The following CACNA1E variants were observed in gnomAD, a reference collection of about 807,000 sequenced individuals.
CACNA1E encodes the protein voltage-dependent R-type calcium channel subunit alpha-1E.
A neutral mutation model predicts 259.2 loss-of-function variants in CACNA1E; 40 were observed. The ratio of observed to expected loss-of-function variants is 0.15; its 90% CI spans 0.12 to 0.20. The LOEUF is 0.20. CACNA1E is among the 10% of genes least tolerant of loss of function. The pLI, the probability that CACNA1E is intolerant of heterozygous loss-of-function variation, is 1.00. For synonymous variants in CACNA1E, 1,104 were observed against 1,138.5 expected, an observed-to-expected ratio of 0.97 and a Z score of 0.61; for missense variants, 1,874 against 3,040.1, an observed-to-expected ratio of 0.62 and a Z score of 9.02.
intron 24 of CACNA1E, 111 bp from the exon 25 acceptor site, chr1:181,739,036 G>T: frequency 1.3e-6 from 1 of 766,590 alleles, no homozygotes; most frequent in South Asian, 1.4e-5. Context: ...CCTAGCATAG[G>T]GTTGGTTGTG....
chr1:181,520,088 AT>A (rs1169445387), intron 3 of CACNA1E, among the ~76,000 whole-genome samples: 1 of 152,242 alleles, frequency 6.6e-6, no homozygotes, highest in African/African-American at 2.4e-5. Context: ...CTCATGTCTT[AT>A]TTTAAATGCA....
intron 2 of CACNA1E, among the ~76,000 whole-genome samples, chr1:181,414,807 A>G (rs1293820184): frequency 6.6e-6 from 1 of 152,226 alleles, no homozygotes; most frequent in Non-Finnish European, 1.5e-5. Context: ...TTTGATATTA[A>G]TTAGTAATTT....
intron 1 of CACNA1E, among the ~76,000 whole-genome samples, chr1:181,372,254 A>G (rs953165636): frequency 4.0e-5 from 6 of 151,872 alleles, no homozygotes; most frequent in Non-Finnish European, 8.8e-5. Flanking sequence ...CCATTTGTTT[A>G]TGTTGTCTCT....
chr1:181,408,353 T>G (rs1657611479), intron 1 of CACNA1E, among the ~76,000 whole-genome samples: 1 of 152,106 alleles, frequency 6.6e-6, no homozygotes, highest in Non-Finnish European at 1.5e-5. Context: ...GAGGCACAGA[T>G]AAGCCAAAGG....
chr1:181,729,608 C>T (rs1457794564), intron 18 of CACNA1E, among the ~76,000 whole-genome samples: 2 of 152,200 alleles, frequency 1.3e-5, no homozygotes, highest in Non-Finnish European at 2.9e-5. Context: ...ATGCCACCTG[C>T]CCTTCCTATC....
At chr1:181,654,546 G>A (rs1467692814) in intron 7 of CACNA1E, among the ~76,000 whole-genome samples, 1 of 152,150 alleles carries the variant, frequency 6.6e-6, no homozygotes, top group Non-Finnish European at 1.5e-5. Context: ...TCATGGTAGT[G>A]GGGAGTTGGA....
At chr1:181,716,409 G>C (rs1011099474) in intron 10 of CACNA1E, among the ~76,000 whole-genome samples, 1 of 152,026 alleles carries the variant, frequency 6.6e-6, no homozygotes, top group African/African-American at 2.4e-5. Context: ...TCCATTTGCA[G>C]AAGTATCCAC....
At chr1:181,427,522 A>G (rs900573417) in intron 2 of CACNA1E, among the ~76,000 whole-genome samples, 1 of 128,074 alleles carries the variant, frequency 7.8e-6, no homozygotes, top group Non-Finnish European at 1.7e-5. Flanking sequence ...CTCTACCTCA[A>G]CTCCTCCTCC....
intron 12 of CACNA1E, 147 bp from the exon 13 acceptor site, chr1:181,719,604 A>G (rs926495725): frequency 8.0e-6 from 4 of 500,818 alleles, no homozygotes; most frequent in African/African-American, 5.8e-5. Flanking sequence ...CCACATAGGT[A>G]GTTCTACTGA....
rs561770490 is a variant in CACNA1E at position 181,673,665 on chromosome 1, G to A, written c.1055+22224G>A. Among the ~76,000 whole-genome samples the A allele has an allele frequency of 2.1e-4, 32 of 152,126 alleles. 1 individual carries two copies. Among genetic ancestry groups the A allele is most frequent in the African/African-American group, 7.2e-5 (3 of 41,418 alleles). On this transcript the variant is annotated intron_variant, in intron 7 of 47. Coordinates refer to ENST00000367573, the MANE Select transcript of CACNA1E (RefSeq NM_001205293.3). The stretch of plus-strand genomic sequence containing the variant: ...AGAGGACATCCCTTATAGGGCCAGC[G>A]GATGGAAGCCATGGGCTGGGCAGGA...
chr1:181,774,470 C>T (rs1011546562), intron 37 of CACNA1E, among the ~76,000 whole-genome samples: 2 of 152,208 alleles, frequency 1.3e-5, no homozygotes, highest in African/African-American at 4.8e-5. Context: ...GCTGATTTCC[C>T]TTCCACATCA....
chr1:181,387,189 CTG>C (rs1370850930), intron 1 of CACNA1E, among the ~76,000 whole-genome samples: 4 of 152,202 alleles, frequency 2.6e-5, no homozygotes, highest in African/African-American at 9.6e-5. Flanking sequence ...TGTTTCTGTG[CTG>C]TGAGTGGGGT....
chr1:181,469,006 G>A (rs916239366), intron 2 of CACNA1E, among the ~76,000 whole-genome samples: 1 of 152,028 alleles, frequency 6.6e-6, no homozygotes, highest in Admixed American at 6.6e-5. Context: ...TATTTGATAG[G>A]CACTAGAAAA....
intron 43 of CACNA1E, among the ~76,000 whole-genome samples, chr1:181,786,955 T>A (rs1253359776): frequency 6.6e-6 from 1 of 151,956 alleles, no homozygotes; most frequent in Non-Finnish European, 1.5e-5. Context: ...ATGACCAAGG[T>A]CATTTTTTTT....
At chr1:181,742,073 G>A (rs569623566) in intron 25 of CACNA1E, among the ~76,000 whole-genome samples, 61 of 152,302 alleles carry the variant, frequency 4.0e-4, no homozygotes, top group African/African-American at 1.4e-3. Context: ...CGCTCATGGA[G>A]CAGGTTCCCA....
chr1:181,426,699 T>C, intron 2 of CACNA1E, among the ~76,000 whole-genome samples: 1 of 134,104 alleles, frequency 7.5e-6, no homozygotes, highest in Non-Finnish European at 1.6e-5. Flanking sequence ...CTCAACCCCT[T>C]CCCATCTCAA....
intron 3 of CACNA1E, among the ~76,000 whole-genome samples, chr1:181,521,868 G>A (rs745730312): frequency 1.3e-5 from 2 of 152,158 alleles, no homozygotes; most frequent in East Asian, 1.9e-4. Context: ...GGCTAGAGGT[G>A]GGGGAGGCCA....
intron 1 of CACNA1E, among the ~76,000 whole-genome samples, chr1:181,494,864 C>T (rs1009968681): frequency 2.0e-5 from 3 of 152,124 alleles, no homozygotes; most frequent in African/African-American, 7.2e-5. Context: ...AATCAGGGAC[C>T]CTCTTTCTGC....
At chr1:181,635,905 C>A (rs929167792) in intron 6 of CACNA1E, among the ~76,000 whole-genome samples, 3 of 152,108 alleles carry the variant, frequency 2.0e-5, no homozygotes, top group African/African-American at 7.2e-5. Context: ...AAACCTTGCC[C>A]TCTAAGAGTT....
Sources: gnomAD v4.1 joint callset for allele counts (sites outside exome capture counted in the v4.1 genomes callset) on GRCh38, gnomAD v4.1.1 for gene constraint, MANE v1.5 for transcripts, NCBI Gene and HGNC (gene_info 2026-07-23, HGNC 2026-07-21) for gene names.